The following CEP295 variants were observed in gnomAD, a reference collection of about 807,000 sequenced individuals.
CEP295 encodes centrosomal protein of 295 kDa.
In CEP295, 190 loss-of-function variants were observed where a neutral mutation model predicts 291.6. The observed-to-expected ratio is 0.65, with a 90% CI of 0.58 to 0.73. The LOEUF (loss-of-function observed/expected upper bound fraction) is 0.73. CEP295 is among the 30% of genes least tolerant of loss of function. The pLI is 0.00. For synonymous variants in CEP295, 993 were observed against 1,038.8 expected (o/e 0.96, Z 0.85); for missense variants, 2,863 against 2,949.4 (o/e 0.97, Z 0.68).
At position 93,706,859 on chromosome 11, in the gene CEP295, G is replaced by A. The variant is rs201315973; in HGVS notation, c.5711G>A (p.Gly1904Asp). 8.4e-6 allele frequency: 13 copies of A among 1,547,600 alleles called. No homozygotes were observed. Among genetic ancestry groups the A allele is most frequent in the Non-Finnish European group, 1.1e-5 (13 of 1,144,898 alleles). Reference protein sequence around the residue: ...HDPFSCLQLVGQENVCGDDYD... With the variant: ...HDPFSCLQLVDQENVCGDDYD... ...CCGTTTAGTTGTCTTCAACTGGTTG[G>A]CCAAGAGAATGTCTGTGGTGATGAC... Residue 1904 changes from glycine to aspartate, a missense_variant, in exon 18 of 30, where the codon GGC becomes GAC. Around this residue, in one of 3 missense-constraint regions of CEP295, gnomAD observed 2,295 missense variants for 2,335.7 expected, o/e 0.98. Coordinates refer to ENST00000325212, the MANE Select transcript of CEP295 (RefSeq NM_033395.2).
At position 93,729,943 on chromosome 11, in the gene CEP295, G is replaced by C; in HGVS notation, c.7641G>C (p.Gln2547His). 2.6e-6 allele frequency: 4 copies of C among 1,545,078 alleles called. No individual in the cohort carries two copies. Among genetic ancestry groups the C allele is most frequent in the Non-Finnish European group, 3.5e-6 (4 of 1,145,488 alleles). ...ASFPEDRKTT[Q>H]ALRHQRGLRL... Reference sequence around the variant, plus strand: ...TTCCTGAAGACAGAAAGACTACACAGGCTCTAAGGCACCAAAGGGGTCTAA... The same window carrying C: ...TTCCTGAAGACAGAAAGACTACACACGCTCTAAGGCACCAAAGGGGTCTAA... The change falls in exon 28 of 30, where the codon CAG becomes CAC. Residue 2547 changes from glutamine to histidine, a missense_variant. This residue lies in a region of CEP295 where 2,295 missense variants were observed against 2,335.7 expected (regional missense o/e 0.98). Transcript: ENST00000325212.
chr11:93,670,874 T>G (rs1950411367), intron 5 of CEP295, among the ~76,000 whole-genome samples: 1 of 143,540 alleles, frequency 7.0e-6, no homozygotes, highest in African/African-American at 2.5e-5. Context: ...TCAGTGGGCA[T>G]GAACTATTTA....
Position 93,696,980 on chromosome 11 carries a change from A to G in CEP295, c.2068A>G (p.Thr690Ala). ...CTTTCCACAAAGACAGGTGGAAACAACAGAAACATTACGCGCTTCAGATAT... is the reference window on the plus strand; with the variant it reads ...CTTTCCACAAAGACAGGTGGAAACAGCAGAAACATTACGCGCTTCAGATAT... Reference protein sequence around the residue: ...NHFPQRQVETTETLRASDILT... With the variant: ...NHFPQRQVETAETLRASDILT... Residue 690 changes from threonine (T) to alanine (A), a missense_variant, in exon 15 of 30, where the codon ACA becomes GCA. Coordinates refer to ENST00000325212, the MANE Select transcript of CEP295 (RefSeq NM_033395.2). The G allele has an allele frequency of 1.3e-6, 2 of 1,551,794 alleles. No homozygotes were observed. The highest frequency in any genetic ancestry group is 1.2e-5 in the South Asian group (1 of 84,056).
At chr11:93,711,499 T>C (rs796496609) in intron 18 of CEP295, among the ~76,000 whole-genome samples, 7 of 151,728 alleles carry the variant, frequency 4.6e-5, no homozygotes, top group African/African-American at 1.7e-4. Context: ...TTTGTTTTTG[T>C]TTTTGTTTTT....
intron 18 of CEP295, among the ~76,000 whole-genome samples, chr11:93,715,565 C>T (rs938659618): frequency 2.6e-5 from 4 of 152,082 alleles, no homozygotes; most frequent in African/African-American, 9.7e-5. Flanking sequence ...GGGGTCTCTT[C>T]TCATAGCCAT....
At position 93,725,809 on chromosome 11, in the gene CEP295, T is replaced by G; in HGVS notation, c.6477T>G (p.Phe2159Leu). The G allele has an allele frequency of 6.4e-7, 1 of 1,550,914 alleles. No individual in the cohort carries two copies. Among genetic ancestry groups the G allele is most frequent in the Non-Finnish European group, 8.7e-7 (1 of 1,146,816 alleles). The part of the protein sequence containing the change: ...TNLAHVGAHS[F>L]ATENIIGGSE... ...TGGCTCATGTTGGAGCTCACAGTTT[T>G]GCTACAGAAAATATTATTGGGGGTA... The change falls in exon 23 of 30, where the codon TTT (phenylalanine) becomes TTG (leucine). Residue 2159 changes from phenylalanine to leucine, a missense_variant. By Grantham distance (22) the Phe-to-Leu change is conservative. This residue lies in a region of CEP295 where 2,295 missense variants were observed against 2,335.7 expected (regional missense o/e 0.98). Transcript: ENST00000325212.
intron 7 of CEP295, 101 bp from the exon 8 acceptor site, chr11:93,683,458 A>C (rs1951072991): frequency 1.3e-6 from 1 of 778,390 alleles, no homozygotes; most frequent in Non-Finnish European, 2.0e-6. Context: ...GAGAGGAGAG[A>C]AGCTTAGACC....
In CEP295 at chr11:93,722,089, C is replaced by T. The variant is rs16919253; in HGVS notation, c.5947+39C>T. 8.8e-3 allele frequency: 10,850 copies of T among 1,229,318 alleles called. 184 individuals are homozygous for T. Among genetic ancestry groups the T allele is most frequent in the Admixed American group, 0.069 (3,454 of 49,956 alleles). The allele number at this position is 1,229,318 out of a possible 1,614,324, so 76.2% of individuals were successfully genotyped here. A position where few individuals can be genotyped will look rare whatever the true frequency, so the allele number is the denominator to read the frequency against. ...AATGTTTATAAATAAGTTGAAAGAC[C>T]GGCACCAGTTGAGTTGCAATACAGT... On this transcript the variant is annotated intron_variant, in intron 20 of 29. Transcript: ENST00000325212.
At chr11:93,688,272 G>A (rs549849647) in intron 10 of CEP295, among the ~76,000 whole-genome samples, 2 of 152,146 alleles carry the variant, frequency 1.3e-5, no homozygotes, top group Non-Finnish European at 2.9e-5. Context: ...GCTTTTGAGC[G>A]TGTTGTATTC....
chr11:93,675,697 G>A (rs369518237), intron 6 of CEP295, 31 bp downstream of exon 6: 11 of 1,097,500 alleles, frequency 1.0e-5, no homozygotes, highest in South Asian at 3.1e-5. Flanking sequence ...TCATGCCCTC[G>A]CTTTATTATT....
At chr11:93,726,901 C>A in intron 23 of CEP295, 75 bp from the exon 24 acceptor site, 1 of 1,170,524 alleles carries the variant, frequency 8.5e-7, no homozygotes, top group Non-Finnish European at 1.2e-6. Flanking sequence ...GGATGATAAA[C>A]TATTAGAGAC....
chr11:93,696,206 A>G, intron 13 of CEP295, 114 bp from the exon 14 acceptor site: 3 of 613,858 alleles, frequency 4.9e-6, no homozygotes, highest in Non-Finnish European at 8.3e-6. Context: ...AATGCCAGTC[A>G]TTTTATAAAA....
intron 6 of CEP295, among the ~76,000 whole-genome samples, chr11:93,678,567 A>G (rs1389164000): frequency 2.6e-5 from 4 of 152,224 alleles, no homozygotes; most frequent in Admixed American, 2.6e-4. Flanking sequence ...AAAGACAGAA[A>G]AAGACTTTTA....
At position 93,727,641 on chromosome 11, in the gene CEP295, A is replaced by G. The variant is rs1181488441; in HGVS notation, c.7161+4A>G. On this transcript the variant is annotated splice_donor_region_variant and intron_variant, in intron 24 of 29. Transcript: ENST00000325212. ...ACAGAGCTCTATACCAGTCTGGGTA[A>G]GTGAAATCAGTGTTGTATAAATAAC... 8.6e-6 allele frequency: 13 copies of G among 1,513,794 alleles called. No individual in the cohort carries two copies. The highest frequency in any genetic ancestry group is 1.7e-4 in the Middle Eastern group (1 of 5,740). 93.8% of individuals were successfully genotyped at this position (1,513,794 alleles called of 1,614,324 possible).
chr11:93,730,340 T>C lies in CEP295; in HGVS notation c.*71T>C. On this transcript the variant is annotated 3_prime_UTR_variant, in exon 30 of 30. Transcript: ENST00000325212. Reference sequence around the variant, plus strand: ...ATTAGACAAAATTATTTAAAGTCAATAAATTGTTATTCGAGGAATTCCATG... The same window carrying C: ...ATTAGACAAAATTATTTAAAGTCAACAAATTGTTATTCGAGGAATTCCATG... 3.6e-6 allele frequency: 4 copies of C among 1,118,522 alleles called. No individual in the cohort carries two copies. The East Asian group carries it at 7.4e-5, about 21-fold the overall frequency. The allele number at this position is 1,118,522 out of a possible 1,614,324, so 69.3% of individuals were successfully genotyped here.
chr11:93,703,583 T>C (rs542814205), intron 17 of CEP295, among the ~76,000 whole-genome samples: 91 of 151,968 alleles, frequency 6.0e-4, no homozygotes, highest in African/African-American at 2.1e-3. Flanking sequence ...AGGTTTTTTT[T>C]TTTTCTCTTT....
rs535136902 is a variant in CEP295, at chr11:93,710,629, A to G, written c.5749+3732A>G. 3.3e-5 allele frequency among the ~76,000 whole-genome samples: 5 copies of G among 152,282 alleles called. No homozygotes were observed. In the South Asian group the frequency reaches 1.0e-3, roughly 32 times the overall value. On this transcript the variant is annotated intron_variant, in intron 18 of 29. Coordinates refer to ENST00000325212, the MANE Select transcript of CEP295 (RefSeq NM_033395.2). Reference sequence around the variant, plus strand: ...GATTAGGGCAATACTGGCCTTGTGGAATGAGTTTGGAAGTATTTCTTCCTC... The same window carrying G: ...GATTAGGGCAATACTGGCCTTGTGGGATGAGTTTGGAAGTATTTCTTCCTC...
intron 6 of CEP295, among the ~76,000 whole-genome samples, chr11:93,676,765 T>C (rs1226055560): frequency 6.6e-6 from 1 of 152,034 alleles, no homozygotes; most frequent in African/African-American, 2.4e-5. Context: ...TTTTTTTACC[T>C]AACTCTGTCA....
Position 93,683,644 on chromosome 11 carries a change from C to A in CEP295, c.851C>A (p.Pro284Gln), listed in dbSNP as rs2134965426. ...RRRQTVAQMPPQLVELPYKRS... is the reference protein window; with the variant it reads ...RRRQTVAQMPQQLVELPYKRS... ...AGACAGACTGTAGCACAAATGCCAC[C>A]ACAACTAGTTGAACTTCCATACAAA... The change falls in exon 8 of 30, where the codon CCA becomes CAA. Residue 284 changes from proline to glutamine, a missense_variant. Pro to Gln is a moderately conservative substitution (Grantham distance 76, BLOSUM62 -1). Around this residue, in one of 3 missense-constraint regions of CEP295, gnomAD observed 554 missense variants for 576.0 expected, o/e 0.96. Transcript: ENST00000325212. 6.5e-7 allele frequency: 1 copy of A among 1,549,880 alleles called. No homozygotes were observed. Among genetic ancestry groups the A allele is most frequent in the East Asian group, 2.4e-5 (1 of 40,896 alleles).
Sources: allele counts gnomAD v4.1 joint callset (sites outside exome capture counted in the v4.1 genomes callset), GRCh38; gene constraint gnomAD v4.1.1; regional missense constraint gnomAD v4.1.1; transcripts MANE v1.5; gene names NCBI Gene and HGNC (gene_info 2026-07-23, HGNC 2026-07-21).